The following PLCH2 variants were observed in gnomAD, a reference collection of about 807,000 sequenced individuals.
The protein encoded by PLCH2 is phospholipase C eta 2.
In PLCH2, 98 loss-of-function variants were observed where a neutral mutation model predicts 134.7. The observed-to-expected ratio is 0.73, with a 90% CI of 0.62 to 0.86. PLCH2 has a LOEUF of 0.86. PLCH2 is among the 40% of genes least tolerant of loss of function. The pLI, the probability that PLCH2 is intolerant of heterozygous loss-of-function variation, is 0.00. For missense variants in PLCH2, 1,994 were observed against 1,986.6 expected, an observed-to-expected ratio of 1.00 and a Z score of -0.07; for synonymous variants, 974 against 827.5, an observed-to-expected ratio of 1.18 and a Z score of -3.04.
rs955257039 is a variant in PLCH2 at position 2,439,386 on chromosome 1, C to A, written c.115+8757C>A. On this transcript the variant is annotated intron_variant, in intron 2 of 3. Transcript: ENST00000609981. The surrounding 1 kb of genome is among the most constrained non-coding windows in gnomAD (Gnocchi z 4.7). Reference sequence around the variant, plus strand: ...TGGTCCCCGACCCCAGGGCTGCCCCCGGGTTCTGGGCCCTGTTCATGGGAA... The same window carrying A: ...TGGTCCCCGACCCCAGGGCTGCCCCAGGGTTCTGGGCCCTGTTCATGGGAA... 3.9e-5 allele frequency among the ~76,000 whole-genome samples: 6 copies of A among 152,280 alleles called. No homozygotes were observed. The highest frequency in any genetic ancestry group is 7.4e-5 in the Non-Finnish European group (5 of 68,026).
rs1380809325 is a variant in PLCH2 at position 2,476,317 on chromosome 1, G to A, written c.-272G>A. ...CTTTGCTCCCCCAGCCTTGGGAGGC[G>A]GCTGCGTCAGGGATTCCTTGGTGGC... On this transcript the variant is annotated 5_prime_UTR_variant, in exon 1 of 22. Coordinates refer to ENST00000378486, the MANE Select transcript of PLCH2 (RefSeq NM_014638.4). The A allele has an allele frequency of 3.0e-5, 11 of 372,784 alleles. No homozygotes were observed. The highest frequency in any genetic ancestry group is 4.1e-5 in the East Asian group (1 of 24,342). The allele number at this position is 372,784 out of a possible 1,614,324, so 23.1% of individuals were successfully genotyped here.
chr1:2,502,673 A>G lies in PLCH2; in HGVS notation c.2959+264A>G, dbSNP rs1383037000. 3 of 698,830 alleles carry G rather than the reference A, an allele frequency of 4.3e-6. No homozygotes were observed. The South Asian group carries it at 4.6e-5, about 11-fold the overall frequency. The allele number at this position is 698,830 out of a possible 1,614,324, so 43.3% of individuals were successfully genotyped here. On this transcript the variant is annotated intron_variant, in intron 21 of 21. Coordinates refer to ENST00000378486, the MANE Select transcript of PLCH2 (RefSeq NM_014638.4). ...CTGCTGTGGCCTGGACCCTCACGCTATCCCGGGGAGAAGCAGAGAGGCCCC... is the reference window on the plus strand; with the variant it reads ...CTGCTGTGGCCTGGACCCTCACGCTGTCCCGGGGAGAAGCAGAGAGGCCCC...
At chr1:2,420,153 G>GC in the PLCH2 span, among the ~76,000 whole-genome samples, 82 of 151,904 alleles carry the variant, frequency 5.4e-4, no homozygotes, top group Non-Finnish European at 4.0e-4. Flanking sequence ...ACTCAGACAG[G>GC]CCCCCCGCCC....
intron 1 of PLCH2, among the ~76,000 whole-genome samples, chr1:2,469,835 G>T (rs576163145): frequency 6.6e-6 from 1 of 152,232 alleles, no homozygotes; most frequent in Non-Finnish European, 1.5e-5. Flanking sequence ...AGGACAGGAC[G>T]TTTCCTCTGG....
At chr1:2,454,487 C>T (rs1640392187) in intron 2 of PLCH2, among the ~76,000 whole-genome samples, 2 of 152,190 alleles carry the variant, frequency 1.3e-5, no homozygotes. Context: ...TGTGGAGGCT[C>T]AAGGCCATGG....
chr1:2,435,492 C>G (rs933789005), intron 2 of PLCH2, among the ~76,000 whole-genome samples: 3 of 149,462 alleles, frequency 2.0e-5, no homozygotes, highest in African/African-American at 7.4e-5. Context: ...AGGCTGGAGG[C>G]ATGTGTTAGT....
At chr1:2,452,669 T>C (rs10797426) in intron 2 of PLCH2, among the ~76,000 whole-genome samples, 93,510 of 152,166 alleles carry the variant, frequency 0.61, 30,008 homozygotes, top group East Asian at 0.87. Flanking sequence ...TCACAGGCCC[T>C]GGGGACAGGG....
intron 20 of PLCH2, chr1:2,500,328 G>A (rs997973659): frequency 2.5e-5 from 4 of 158,150 alleles, no homozygotes; most frequent in African/African-American, 9.6e-5. Context: ...CACACAGCAG[G>A]AGGGGCCTGC....
chr1:2,472,694 G>A (rs554892546), upstream of PLCH2, among the ~76,000 whole-genome samples: 54 of 152,294 alleles, frequency 3.5e-4, no homozygotes, highest in Non-Finnish European at 2.9e-5. Flanking sequence ...GGCCCAGGGA[G>A]GTCCTTTGAA....
At chr1:2,441,055 T>C (rs1002371747) in intron 2 of PLCH2, among the ~76,000 whole-genome samples, 3 of 152,238 alleles carry the variant, frequency 2.0e-5, no homozygotes, top group African/African-American at 7.2e-5. Context: ...CAGAGGGCAC[T>C]GCCCGCTCCA....
At chr1:2,416,847 G>A in the PLCH2 span, among the ~76,000 whole-genome samples, 16 of 152,200 alleles carry the variant, frequency 1.1e-4, no homozygotes, top group Non-Finnish European at 1.8e-4. Context: ...CCGGGGCTCT[G>A]CCTGTGTCCC....
At chr1:2,502,443 C>G in intron 21 of PLCH2, 34 bp downstream of exon 21, 3 of 1,539,770 alleles carry the variant, frequency 1.9e-6, no homozygotes, top group Non-Finnish European at 2.6e-6. Flanking sequence ...GAGAAGAGCC[C>G]TGTGCGAGTG....
chr1:2,465,729 G>A (rs542654451), upstream of PLCH2, among the ~76,000 whole-genome samples: 270 of 152,350 alleles, frequency 1.8e-3, 2 homozygotes, highest in African/African-American at 6.2e-3. Context: ...TTTAATCGCA[G>A]GCCGCGGTGA....
intron 2 of PLCH2, among the ~76,000 whole-genome samples, chr1:2,433,208 C>T (rs994452272): frequency 1.4e-4 from 21 of 152,238 alleles, no homozygotes; most frequent in East Asian, 5.8e-4. Context: ...CCGCTGTGTA[C>T]GTGCTCAGGT....
At chr1:2,486,591 TC>T (rs1287530232) in intron 5 of PLCH2, among the ~76,000 whole-genome samples, 1 of 152,204 alleles carries the variant, frequency 6.6e-6, no homozygotes, top group African/African-American at 2.4e-5. Flanking sequence ...ATTCTTGCTC[TC>T]CTGTACCCAC....
At chr1:2,432,023 C>A (rs185102630) in intron 2 of PLCH2, among the ~76,000 whole-genome samples, 48 of 152,330 alleles carry the variant, frequency 3.2e-4, no homozygotes, top group Non-Finnish European at 6.2e-4. Flanking sequence ...ACAGGCTCGG[C>A]TCTGCCTGTT....
chr1:2,452,004 G>A (rs1169615825), intron 2 of PLCH2, among the ~76,000 whole-genome samples: 2 of 152,230 alleles, frequency 1.3e-5, no homozygotes, highest in African/African-American at 4.8e-5. Flanking sequence ...TCTGCCGTGG[G>A]CCTGTCGGAG....
In PLCH2 at chr1:2,476,473, G is replaced by C. The variant is rs912171518; in HGVS notation, c.-116G>C. 1.0e-6 allele frequency: 1 copy of C among 997,640 alleles called. No homozygotes were observed. The highest frequency in any genetic ancestry group is 3.1e-5 in the Admixed American group (1 of 32,458). The allele number at this position is 997,640 out of a possible 1,614,324, so 61.8% of individuals were successfully genotyped here. A position where few individuals can be genotyped will look rare whatever the true frequency, so the allele number is the denominator to read the frequency against. On this transcript the variant is annotated 5_prime_UTR_variant, in exon 1 of 22. Coordinates refer to ENST00000378486, the MANE Select transcript of PLCH2 (RefSeq NM_014638.4). ...CTGAGGAGGAGGAGGAAGAGGCAGA[G>C]GAGAGAAGGCCCCACGGAGGTCCTG...
Position 2,478,101 on chromosome 1 carries a change from G to A in PLCH2, c.125-375G>A, listed in dbSNP as rs541230171. 3.9e-5 allele frequency among the ~76,000 whole-genome samples: 6 copies of A among 152,352 alleles called. No individual in the cohort carries two copies. The South Asian group carries it at 1.2e-3, about 32-fold the overall frequency. Reference sequence around the variant, plus strand: ...GGCTCCGTCTGAGTGGTAGCTCTCGGGGCCCCAGGCCCAGCGCCGGTTACC... The same window carrying A: ...GGCTCCGTCTGAGTGGTAGCTCTCGAGGCCCCAGGCCCAGCGCCGGTTACC... On this transcript the variant is annotated intron_variant, in intron 1 of 21. Transcript: ENST00000378486.
Sources: allele counts gnomAD v4.1 joint callset (sites outside exome capture counted in the v4.1 genomes callset), GRCh38; gene constraint gnomAD v4.1.1; non-coding constraint Gnocchi (gnomAD v3.1); transcripts MANE v1.5; gene names NCBI Gene and HGNC (gene_info 2026-07-23, HGNC 2026-07-21).